Variants in PTK2 observed in about 807,000 individuals in gnomAD.
PTK2 encodes the protein protein tyrosine kinase 2.
PTK2 carries 45 observed loss-of-function variants against 150.1 expected under a neutral mutation model. The ratio of observed to expected loss-of-function variants is 0.30; its 90% CI spans 0.24 to 0.38. The LOEUF is 0.38. Among genes scored for constraint, PTK2 ranks in the 10% least tolerant of loss-of-function variants. PTK2 has a pLI of 1.00. For synonymous variants in PTK2, 432 were observed against 449.2 expected (o/e 0.96, Z 0.48); for missense variants, 919 against 1,307.3 (o/e 0.70, Z 4.58).
intron 22 of PTK2, among the ~76,000 whole-genome samples, chr8:140,725,587 G>C (rs776006375): frequency 6.6e-6 from 1 of 152,152 alleles, no homozygotes; most frequent in African/African-American, 2.4e-5. Context: ...CTAGCAAAAA[G>C]GTAATCGGAA....
At chr8:140,753,003 C>T (rs1029413283) in intron 16 of PTK2, among the ~76,000 whole-genome samples, 14 of 152,214 alleles carry the variant, frequency 9.2e-5, no homozygotes, top group Non-Finnish European at 1.6e-4. Flanking sequence ...AAAGATGCGA[C>T]TTTTACTCAA....
chr8:140,792,998 A>G (rs1364427978), intron 13 of PTK2, among the ~76,000 whole-genome samples: 3 of 152,240 alleles, frequency 2.0e-5, no homozygotes, highest in Non-Finnish European at 4.4e-5. Context: ...GAAAATTAAC[A>G]TAAATTATTT....
chr8:140,864,209 A>G (rs2100137935), intron 5 of PTK2, 103 bp downstream of exon 5: 1 of 615,214 alleles, frequency 1.6e-6, no homozygotes, highest in Non-Finnish European at 2.6e-6. Flanking sequence ...ACAAATTTCT[A>G]TTCCTCCAAA....
At chr8:140,733,756 G>A (rs1381504120) in intron 22 of PTK2, among the ~76,000 whole-genome samples, 1 of 152,188 alleles carries the variant, frequency 6.6e-6, no homozygotes, top group Non-Finnish European at 1.5e-5. Context: ...TTACCCTGAA[G>A]GCCTATCGTG....
chr8:140,759,250 G>A (rs1419301013), intron 16 of PTK2, among the ~76,000 whole-genome samples: 1 of 151,668 alleles, frequency 6.6e-6, no homozygotes, highest in Non-Finnish European at 1.5e-5. Context: ...GTGGAGATCT[G>A]CAGTCTTATA....
intron 14 of PTK2, among the ~76,000 whole-genome samples, chr8:140,782,360 T>C (rs2100082286): frequency 6.7e-6 from 1 of 149,606 alleles, no homozygotes; most frequent in African/African-American, 2.5e-5. Context: ...TCCTCCTACC[T>C]CAGCCTTCTG....
intron 1 of PTK2, among the ~76,000 whole-genome samples, chr8:140,973,716 T>A (rs985746749): frequency 6.6e-6 from 1 of 152,160 alleles, no homozygotes; most frequent in Admixed American, 6.5e-5. Flanking sequence ...TCCAATACTA[T>A]TTTTTCCAAA....
At chr8:140,909,133 A>C (rs560823437) in intron 2 of PTK2, 1 of 154,296 alleles carries the variant, frequency 6.5e-6, no homozygotes, top group East Asian at 1.9e-4. Context: ...AGATTGGGCC[A>C]CTGCACTCCA....
chr8:140,726,326 A>C (rs901496887), intron 22 of PTK2, among the ~76,000 whole-genome samples: 17 of 152,296 alleles, frequency 1.1e-4, no homozygotes, highest in African/African-American at 4.1e-4. Flanking sequence ...GAGAGGGAAA[A>C]TAGAACAGAA....
At chr8:140,965,461 G>T (rs573021556) in intron 1 of PTK2, among the ~76,000 whole-genome samples, 1 of 152,258 alleles carries the variant, frequency 6.6e-6, no homozygotes, top group African/African-American at 2.4e-5. Context: ...ACTGCACAAG[G>T]TATTGGACAT....
intron 3 of PTK2, among the ~76,000 whole-genome samples, chr8:140,881,668 A>G (rs1453623988): frequency 1.3e-5 from 2 of 152,166 alleles, no homozygotes; most frequent in Non-Finnish European, 2.9e-5. Flanking sequence ...AGGAACACAA[A>G]TCATTTCTCA....
intron 24 of PTK2, 93 bp from the exon 28 acceptor site, chr8:140,702,800 T>C (rs1187041353): frequency 5.8e-6 from 8 of 1,384,970 alleles, no homozygotes; most frequent in African/African-American, 5.8e-5. Context: ...ACAGAGAATA[T>C]TGTGGTAGGC....
intron 26 of PTK2, among the ~76,000 whole-genome samples, chr8:140,699,299 C>G (rs546186104): frequency 6.6e-6 from 1 of 152,112 alleles, no homozygotes; most frequent in African/African-American, 2.4e-5. Context: ...GAGGCAACTA[C>G]AGGAAGATTG....
At chr8:140,929,738 T>C (rs531734019) in intron 1 of PTK2, among the ~76,000 whole-genome samples, 161 of 149,888 alleles carry the variant, frequency 1.1e-3, no homozygotes, top group Non-Finnish European at 1.4e-3. Context: ...CACATGGTAT[T>C]AGATATGTGA....
chr8:140,848,935 AT>A (rs1343176481), intron 5 of PTK2, among the ~76,000 whole-genome samples: 1 of 152,212 alleles, frequency 6.6e-6, no homozygotes, highest in Non-Finnish European at 1.5e-5. Context: ...AATCTTGAAG[AT>A]TAATTGCCAC....
chr8:140,952,297 A>G (rs899043952), intron 1 of PTK2, among the ~76,000 whole-genome samples: 2 of 152,188 alleles, frequency 1.3e-5, no homozygotes, highest in South Asian at 4.1e-4. Flanking sequence ...GAAGAAAGGT[A>G]CAATATGGAC....
intron 1 of PTK2, among the ~76,000 whole-genome samples, chr8:140,991,826 T>C (rs970731230): frequency 1.3e-4 from 19 of 151,606 alleles, no homozygotes; most frequent in African/African-American, 4.1e-4. Flanking sequence ...CCTGGCAACA[T>C]GGTAAATACC....
At chr8:140,803,789 C>A in intron 10 of PTK2, 139 bp from the exon 11 acceptor site, 2 of 729,894 alleles carry the variant, frequency 2.7e-6, no homozygotes, top group Non-Finnish European at 4.5e-6. Flanking sequence ...AACAGATTCT[C>A]CATGCTGCCC....
At chr8:140,916,947 T>C (rs1410253499) in intron 2 of PTK2, among the ~76,000 whole-genome samples, 1 of 152,182 alleles carries the variant, frequency 6.6e-6, no homozygotes, top group East Asian at 1.9e-4. Flanking sequence ...TACAAACATT[T>C]GTGAGAATGG....
Sources: allele counts gnomAD v4.1 joint callset (sites outside exome capture counted in the v4.1 genomes callset), GRCh38; gene constraint gnomAD v4.1.1; transcripts MANE v1.5; gene names NCBI Gene and HGNC (gene_info 2026-07-23, HGNC 2026-07-21).